The following MAP2K4 variants were observed in gnomAD, a reference collection of about 807,000 sequenced individuals.
MAP2K4 encodes mitogen-activated protein kinase kinase 4.
A neutral mutation model predicts 48.5 loss-of-function variants in MAP2K4; 4 were observed. That is an observed-to-expected ratio of 0.08 (90% CI 0.04 to 0.19). The LOEUF is 0.19. MAP2K4 is among the 10% of genes least tolerant of loss of function. The probability of loss-of-function intolerance (pLI) is 1.00; values close to 1 mark genes in which losing one functional copy is unlikely to be tolerated. For synonymous variants in MAP2K4, 166 were observed against 173.1 expected (o/e 0.96, Z 0.32); for missense variants, 258 against 493.3 (o/e 0.52, Z 4.52).
chr17:12,046,742 T>C (rs1241717263), intron 1 of MAP2K4, among the ~76,000 whole-genome samples: 2 of 152,188 alleles, frequency 1.3e-5, no homozygotes, highest in Non-Finnish European at 2.9e-5. Context: ...TTTCTGTTAA[T>C]AGGTTTAAAA....
chr17:12,082,482 T>G (rs1455043373), intron 3 of MAP2K4, among the ~76,000 whole-genome samples: 1 of 152,216 alleles, frequency 6.6e-6, no homozygotes, highest in Non-Finnish European at 1.5e-5. Flanking sequence ...ATCTTCCTAT[T>G]AGTGTCCTAT....
At chr17:12,042,928 T>G (rs1472333132) in intron 1 of MAP2K4, among the ~76,000 whole-genome samples, 3 of 151,634 alleles carry the variant, frequency 2.0e-5, no homozygotes, top group Non-Finnish European at 4.4e-5. Flanking sequence ...GGGCCTGTAG[T>G]CCCAGCTACT....
intron 2 of MAP2K4, among the ~76,000 whole-genome samples, chr17:12,061,644 C>T (rs1303801933): frequency 6.6e-6 from 1 of 152,172 alleles, no homozygotes; most frequent in Non-Finnish European, 1.5e-5. Context: ...GAATCAGAGA[C>T]TGAGGCAGAC....
At chr17:12,051,778 T>G (rs1970146706) in intron 1 of MAP2K4, among the ~76,000 whole-genome samples, 1 of 152,196 alleles carries the variant, frequency 6.6e-6, no homozygotes. Context: ...TCATTAAAAA[T>G]ATCTGAATAC....
chr17:12,129,318 C>T (rs373976840), intron 9 of MAP2K4, 31 bp downstream of exon 9: 20 of 1,613,664 alleles, frequency 1.2e-5, no homozygotes, highest in Admixed American at 3.3e-5. Flanking sequence ...TGGTCGAACA[C>T]GCATGGCGAG....
At chr17:12,036,676 T>A (rs572314361) in intron 1 of MAP2K4, 25 of 151,410 alleles carry the variant, frequency 1.7e-4, no homozygotes, top group African/African-American at 6.0e-4. Flanking sequence ...TTTATGAAGT[T>A]GAATTTACCT....
chr17:12,130,232 C>A (rs569152402), intron 9 of MAP2K4, among the ~76,000 whole-genome samples: 1 of 152,180 alleles, frequency 6.6e-6, no homozygotes, highest in South Asian at 2.1e-4. Flanking sequence ...GTTTTTAAGT[C>A]TCTTTCATCT....
At chr17:12,119,135 C>G (rs1368127501) in intron 7 of MAP2K4, among the ~76,000 whole-genome samples, 4 of 152,110 alleles carry the variant, frequency 2.6e-5, no homozygotes, top group African/African-American at 9.7e-5. Context: ...ATGATGTTAA[C>G]AACGAGGAAG....
intron 1 of MAP2K4, among the ~76,000 whole-genome samples, chr17:12,051,082 G>A (rs1285893465): frequency 6.6e-6 from 1 of 152,200 alleles, no homozygotes; most frequent in Non-Finnish European, 1.5e-5. Flanking sequence ...CCTTGGAGTG[G>A]CTGAGTGGGG....
At chr17:12,032,351 T>C in intron 1 of MAP2K4, 1 of 946,574 alleles carries the variant, frequency 1.1e-6, no homozygotes, top group Non-Finnish European at 1.4e-6. Context: ...ATATCCATCT[T>C]GGTATTGGGA....
intron 4 of MAP2K4, among the ~76,000 whole-genome samples, chr17:12,105,573 A>G (rs1972082339): frequency 6.6e-6 from 1 of 151,894 alleles, no homozygotes; most frequent in South Asian, 2.1e-4. Flanking sequence ...ACATTTATTC[A>G]CTTCTTCTGC....
intron 4 of MAP2K4, among the ~76,000 whole-genome samples, chr17:12,098,529 ATATG>A (rs1186596367): frequency 6.6e-6 from 1 of 151,700 alleles, no homozygotes; most frequent in Non-Finnish European, 1.5e-5. Context: ...ATTTTCATAT[ATATG>A]TAAGTAATAA....
At chr17:12,107,412 A>G (rs534739197) in intron 4 of MAP2K4, among the ~76,000 whole-genome samples, 1 of 144,256 alleles carries the variant, frequency 6.9e-6, no homozygotes, top group South Asian at 2.2e-4. Flanking sequence ...GGCTAATTTA[A>G]GAAGTTTATG....
At chr17:12,086,252 T>TA (rs1971357746) in intron 3 of MAP2K4, among the ~76,000 whole-genome samples, 1 of 152,182 alleles carries the variant, frequency 6.6e-6, no homozygotes, top group South Asian at 2.1e-4. Flanking sequence ...GTGACTTACT[T>TA]AAGGCATCTG....
intron 2 of MAP2K4, among the ~76,000 whole-genome samples, chr17:12,077,256 C>A (rs1971042599): frequency 6.6e-6 from 1 of 152,204 alleles, no homozygotes; most frequent in Non-Finnish European, 1.5e-5. Context: ...CATTGGCCCC[C>A]AGCCACTAAA....
At chr17:12,061,093 T>A (rs531879814) in intron 2 of MAP2K4, among the ~76,000 whole-genome samples, 84 of 152,332 alleles carry the variant, frequency 5.5e-4, no homozygotes, top group African/African-American at 1.9e-3. Flanking sequence ...GTCTAGCTTA[T>A]CTCATTCAAA....
chr17:12,048,321 T>C (rs936483735), intron 1 of MAP2K4, among the ~76,000 whole-genome samples: 4 of 152,240 alleles, frequency 2.6e-5, no homozygotes, highest in African/African-American at 4.8e-5. Context: ...AATTATTATA[T>C]TGGGCTTTCT....
intron 1 of MAP2K4, among the ~76,000 whole-genome samples, chr17:12,054,125 G>A (rs1970219801): frequency 6.6e-6 from 1 of 152,094 alleles, no homozygotes; most frequent in East Asian, 1.9e-4. Flanking sequence ...GATTTCAATT[G>A]TAGTGAAAAA....
chr17:12,115,665 A>C, intron 7 of MAP2K4: 1 of 755,734 alleles, frequency 1.3e-6, no homozygotes, highest in East Asian at 2.5e-5. Context: ...AGCAAAGTGA[A>C]CCAGTGGAAC....
Sources: allele counts gnomAD v4.1 joint callset (sites outside exome capture counted in the v4.1 genomes callset), GRCh38; gene constraint gnomAD v4.1.1; transcripts MANE v1.5; gene names NCBI Gene and HGNC (gene_info 2026-07-23, HGNC 2026-07-21).